CNTNAP2: variants seen among roughly 807,000 people sequenced by gnomAD.
CNTNAP2 encodes contactin associated protein 2.
In CNTNAP2, 98 loss-of-function variants were observed where a neutral mutation model predicts 155.2. The observed-to-expected ratio is 0.63, with a 90% confidence interval of 0.54 to 0.75. CNTNAP2 has a LOEUF of 0.75. CNTNAP2 is among the 30% of genes least tolerant of loss of function. CNTNAP2 has a pLI of 0.00. For missense variants in CNTNAP2, 1,727 were observed against 1,688.1 expected, an observed-to-expected ratio of 1.02 and a Z score of -0.40; for synonymous variants, 651 against 631.2, an observed-to-expected ratio of 1.03 and a Z score of -0.47.
chr7:148,356,577 A>C (rs1016667567), intron 21 of CNTNAP2, among the ~76,000 whole-genome samples: 1 of 152,256 alleles, frequency 6.6e-6, no homozygotes, highest in Non-Finnish European at 1.5e-5. Context: ...AAAGCTCCAG[A>C]GTTTGTAGCC....
At chr7:148,134,271 G>A (rs1023343815) in intron 16 of CNTNAP2, among the ~76,000 whole-genome samples, 2 of 152,194 alleles carry the variant, frequency 1.3e-5, no homozygotes, top group East Asian at 1.9e-4. Context: ...ATTCTACAGA[G>A]TCTTTCTGGG....
chr7:148,170,509 C>T (rs180773412), intron 17 of CNTNAP2, among the ~76,000 whole-genome samples: 1 of 152,332 alleles, frequency 6.6e-6, no homozygotes, highest in Non-Finnish European at 1.5e-5. Context: ...GGAAATCCTT[C>T]AAAGTAGTTG....
At chr7:146,369,037 A>ATG (rs1795195190) in intron 1 of CNTNAP2, among the ~76,000 whole-genome samples, 1 of 115,810 alleles carries the variant, frequency 8.6e-6, no homozygotes, top group African/African-American at 3.8e-5. Context: ...ATGTATATAT[A>ATG]TATATATATA....
At chr7:146,725,007 G>C (rs936616052) in intron 1 of CNTNAP2, among the ~76,000 whole-genome samples, 3 of 152,090 alleles carry the variant, frequency 2.0e-5, no homozygotes, top group Admixed American at 6.6e-5. Context: ...ATGTTGGCAG[G>C]GTTGTTTTTT....
chr7:146,927,239 G>A (rs1413678812), intron 3 of CNTNAP2, among the ~76,000 whole-genome samples: 1 of 152,108 alleles, frequency 6.6e-6, no homozygotes, highest in African/African-American at 2.4e-5. Flanking sequence ...TTGAAACTGG[G>A]AAAGCTTTCA....
At chr7:146,703,773 C>T (rs1585049463) in intron 1 of CNTNAP2, among the ~76,000 whole-genome samples, 1 of 152,240 alleles carries the variant, frequency 6.6e-6, no homozygotes, top group South Asian at 2.1e-4. Flanking sequence ...AAAGGTCCCA[C>T]CTTTTAATAA....
chr7:147,349,813 A>C (rs1795939230), intron 9 of CNTNAP2, among the ~76,000 whole-genome samples: 1 of 151,964 alleles, frequency 6.6e-6, no homozygotes, highest in Non-Finnish European at 1.5e-5. Context: ...CCATTAACAA[A>C]ATAAACATCA....
chr7:148,067,665 G>T (rs1803293697), intron 15 of CNTNAP2, among the ~76,000 whole-genome samples: 1 of 152,216 alleles, frequency 6.6e-6, no homozygotes, highest in South Asian at 2.1e-4. Flanking sequence ...AAGTTTGCCT[G>T]AATAGGTATT....
chr7:147,341,769 TACACACACACACAC>T (rs35486619), intron 9 of CNTNAP2, among the ~76,000 whole-genome samples: 7 of 147,316 alleles, frequency 4.8e-5, no homozygotes, highest in African/African-American at 1.0e-4. Context: ...CACATACACA[TACACACACACACAC>T]ACACACACAC....
intron 3 of CNTNAP2, among the ~76,000 whole-genome samples, chr7:146,936,699 TC>T (rs1403357655): frequency 6.6e-6 from 1 of 152,138 alleles, no homozygotes; most frequent in Non-Finnish European, 1.5e-5. Flanking sequence ...TCTTGGCAAA[TC>T]CCAGCAGCCA....
chr7:146,734,008 T>C (rs1270473938), intron 1 of CNTNAP2, among the ~76,000 whole-genome samples: 1 of 152,272 alleles, frequency 6.6e-6, no homozygotes, highest in African/African-American at 2.4e-5. Flanking sequence ...TAATTTCTTA[T>C]AGATATTTAA....
chr7:146,331,314 AAAAT>A (rs1407629102), intron 1 of CNTNAP2, among the ~76,000 whole-genome samples: 4,054 of 149,036 alleles, frequency 0.027, 212 homozygotes, highest in African/African-American at 0.095. Context: ...AAAAAAAAAA[AAAAT>A]AAAAATAACC....
chr7:146,586,356 C>T (rs1285197746), intron 1 of CNTNAP2, among the ~76,000 whole-genome samples: 1 of 152,118 alleles, frequency 6.6e-6, no homozygotes, highest in Non-Finnish European at 1.5e-5. Context: ...TTAGCCTCAT[C>T]CTTAATCAAA....
intron 3 of CNTNAP2, 37 bp downstream of exon 3, chr7:146,839,941 G>T (rs749809581): frequency 1.2e-6 from 2 of 1,606,792 alleles, no homozygotes; most frequent in Non-Finnish European, 1.7e-6. Context: ...CACAGAATTG[G>T]ATTGGAAATA....
intron 1 of CNTNAP2, among the ~76,000 whole-genome samples, chr7:146,602,051 G>T (rs1219922492): frequency 6.6e-6 from 1 of 152,082 alleles, no homozygotes; most frequent in Non-Finnish European, 1.5e-5. Context: ...TTTATTTTGG[G>T]AATAATGCAG....
chr7:146,811,036 C>T (rs543086434), intron 2 of CNTNAP2, among the ~76,000 whole-genome samples: 1 of 152,084 alleles, frequency 6.6e-6, no homozygotes, highest in East Asian at 1.9e-4. Flanking sequence ...TTCACTTTTT[C>T]AGTGTTTTGT....
intron 1 of CNTNAP2, among the ~76,000 whole-genome samples, chr7:146,273,783 C>G (rs576221639): frequency 1.9e-4 from 29 of 152,272 alleles, no homozygotes; most frequent in African/African-American, 6.3e-4. Context: ...TTTACTTGTA[C>G]TGGCCGGTTA....
chr7:146,621,177 C>T (rs1459805514), intron 1 of CNTNAP2, among the ~76,000 whole-genome samples: 1 of 152,114 alleles, frequency 6.6e-6, no homozygotes, highest in Non-Finnish European at 1.5e-5. Context: ...GGTCTTGCTG[C>T]CTCATTTTTA....
At chr7:147,899,000 T>C (rs1187016796) in intron 13 of CNTNAP2, among the ~76,000 whole-genome samples, 1 of 152,212 alleles carries the variant, frequency 6.6e-6, no homozygotes, top group Non-Finnish European at 1.5e-5. Flanking sequence ...TTCCATTGTA[T>C]GTATACACAA....
Sources: allele counts gnomAD v4.1 joint callset (sites outside exome capture counted in the v4.1 genomes callset), GRCh38; gene constraint gnomAD v4.1.1; transcripts MANE v1.5; gene names NCBI Gene and HGNC (gene_info 2026-07-23, HGNC 2026-07-21).